LDB2: variants seen among roughly 807,000 people sequenced by gnomAD.
LDB2 encodes the protein LIM domain binding 2.
In LDB2, 12 loss-of-function variants were observed where a neutral mutation model predicts 44.3. The ratio of observed to expected loss-of-function variants is 0.27; its 90% CI spans 0.17 to 0.44. The LOEUF (loss-of-function observed/expected upper bound fraction) is 0.44. LDB2 is among the 20% of genes least tolerant of loss of function. The probability of loss-of-function intolerance (pLI) is 1.00; values close to 1 mark genes in which losing one functional copy is unlikely to be tolerated. For missense variants in LDB2, 344 were observed against 473.5 expected, an observed-to-expected ratio of 0.73 and a Z score of 2.54; for synonymous variants, 164 against 174.8, an observed-to-expected ratio of 0.94 and a Z score of 0.49.
At chr4:16,674,984 T>A (rs1745897760) in intron 2 of LDB2, among the ~76,000 whole-genome samples, 1 of 152,200 alleles carries the variant, frequency 6.6e-6, no homozygotes, top group African/African-American at 2.4e-5. Flanking sequence ...ACATGGAAGC[T>A]CTGTGAACAC....
chr4:16,550,584 G>A (rs1042004079), intron 5 of LDB2, among the ~76,000 whole-genome samples: 9 of 152,318 alleles, frequency 5.9e-5, no homozygotes, highest in Admixed American at 3.9e-4. Flanking sequence ...CCAATAATGA[G>A]AAACCATTTG....
chr4:16,531,851 AT>A (rs945597188), intron 5 of LDB2, among the ~76,000 whole-genome samples: 1 of 152,070 alleles, frequency 6.6e-6, no homozygotes, highest in Non-Finnish European at 1.5e-5. Flanking sequence ...AAAGTAATAT[AT>A]TTTTTCCAGA....
chr4:16,767,525 C>T (rs1423410477), intron 1 of LDB2, among the ~76,000 whole-genome samples: 2 of 152,274 alleles, frequency 1.3e-5, no homozygotes, highest in Admixed American at 1.3e-4. Context: ...GTTTTCCCAA[C>T]AGACAGCTAC....
At chr4:16,646,986 T>C (rs1736975058) in intron 2 of LDB2, among the ~76,000 whole-genome samples, 1 of 152,156 alleles carries the variant, frequency 6.6e-6, no homozygotes, top group African/African-American at 2.4e-5. Context: ...TGCAAACATA[T>C]ATCCATGTAA....
chr4:16,692,427 C>T (rs1751003559), intron 2 of LDB2, among the ~76,000 whole-genome samples: 1 of 152,144 alleles, frequency 6.6e-6, no homozygotes, highest in African/African-American at 2.4e-5. Flanking sequence ...TAAAATCTGC[C>T]AGCAGCAGCA....
intron 2 of LDB2, among the ~76,000 whole-genome samples, chr4:16,743,574 C>A (rs763176892): frequency 6.6e-6 from 1 of 152,010 alleles, no homozygotes; most frequent in Non-Finnish European, 1.5e-5. Context: ...AAGCACTTAA[C>A]GTTGGAGAGT....
chr4:16,831,269 T>C (rs899153611), intron 1 of LDB2, among the ~76,000 whole-genome samples: 1 of 149,014 alleles, frequency 6.7e-6, no homozygotes, highest in Non-Finnish European at 1.5e-5. Flanking sequence ...GGAGGTGGGA[T>C]GGCTGGAGTA....
chr4:16,512,382 A>G (rs1249683727), intron 5 of LDB2, among the ~76,000 whole-genome samples: 1 of 152,170 alleles, frequency 6.6e-6, no homozygotes, highest in Non-Finnish European at 1.5e-5. Flanking sequence ...ACACACCTGT[A>G]CAGACAATGG....
chr4:16,776,185 G>A (rs1184212593), intron 1 of LDB2, among the ~76,000 whole-genome samples: 3 of 152,108 alleles, frequency 2.0e-5, no homozygotes, highest in Non-Finnish European at 2.9e-5. Flanking sequence ...TCAAAAAATC[G>A]TCAGTGTTCA....
At chr4:16,790,681 G>A (rs185901634) in intron 1 of LDB2, among the ~76,000 whole-genome samples, 1 of 152,142 alleles carries the variant, frequency 6.6e-6, no homozygotes, top group African/African-American at 2.4e-5. Flanking sequence ...TTATTTCCTC[G>A]ATAACCGGGA....
intron 4 of LDB2, among the ~76,000 whole-genome samples, chr4:16,587,493 A>G (rs1717411658): frequency 6.6e-6 from 1 of 152,172 alleles, no homozygotes; most frequent in Admixed American, 6.5e-5. Context: ...AGAATAATAG[A>G]AGTGAATATT....
At chr4:16,800,253 A>G (rs1333166134) in intron 1 of LDB2, among the ~76,000 whole-genome samples, 2 of 152,344 alleles carry the variant, frequency 1.3e-5, no homozygotes, top group African/African-American at 4.8e-5. Flanking sequence ...GCTATTCAGC[A>G]ACTCCATAAA....
chr4:16,747,358 G>A (rs1764604797), intron 2 of LDB2, among the ~76,000 whole-genome samples: 1 of 152,168 alleles, frequency 6.6e-6, no homozygotes. Context: ...TAGAAGTGTG[G>A]AGAACTATTA....
chr4:16,858,948 C>CT (rs1480087246), intron 1 of LDB2, among the ~76,000 whole-genome samples: 5 of 152,250 alleles, frequency 3.3e-5, no homozygotes, highest in East Asian at 1.9e-4. Context: ...CAAATTAAGA[C>CT]TTTTTTAAAA....
At chr4:16,775,688 C>T (rs920823662) in intron 1 of LDB2, among the ~76,000 whole-genome samples, 25 of 152,228 alleles carry the variant, frequency 1.6e-4, no homozygotes, top group African/African-American at 5.8e-4. Context: ...AGTATCAGTG[C>T]CTCTTTGTTG....
chr4:16,887,335 G>A (rs1194113381), intron 1 of LDB2, among the ~76,000 whole-genome samples: 1 of 152,090 alleles, frequency 6.6e-6, no homozygotes, highest in Admixed American at 6.5e-5. Context: ...TCCATAATCA[G>A]GAGCTTGGGC....
chr4:16,640,830 T>G (rs774770194), intron 2 of LDB2, among the ~76,000 whole-genome samples: 2 of 152,240 alleles, frequency 1.3e-5, no homozygotes, highest in Non-Finnish European at 2.9e-5. Context: ...AACCATGTAT[T>G]TGATATCTTA....
chr4:16,824,778 T>A (rs991253347), intron 1 of LDB2, among the ~76,000 whole-genome samples: 4 of 152,244 alleles, frequency 2.6e-5, no homozygotes, highest in Non-Finnish European at 5.9e-5. Flanking sequence ...CTTTTAAGAC[T>A]GAACAGGGAT....
chr4:16,730,168 C>A (rs905479364), intron 2 of LDB2, among the ~76,000 whole-genome samples: 6 of 152,252 alleles, frequency 3.9e-5, no homozygotes, highest in Admixed American at 1.3e-4. Flanking sequence ...TTTGTCTTAG[C>A]TTTTCTCGTG....
Sources: allele counts gnomAD v4.1 joint callset (sites outside exome capture counted in the v4.1 genomes callset), GRCh38; gene constraint gnomAD v4.1.1; transcripts MANE v1.5; gene names NCBI Gene and HGNC (gene_info 2026-07-23, HGNC 2026-07-21).